Variants in TMEM220 observed in about 807,000 individuals in gnomAD.
TMEM220 encodes transmembrane protein 220.
A neutral mutation model predicts 21.7 loss-of-function variants in TMEM220; 21 were observed. That is an observed-to-expected ratio of 0.97 (90% CI 0.69 to 1.39). TMEM220 has a LOEUF of 1.39. TMEM220 is among the 40% of genes most tolerant of loss of function. TMEM220 has a pLI of 0.00. For synonymous variants in TMEM220, 80 were observed against 73.6 expected, an observed-to-expected ratio of 1.09 and a Z score of -0.45; for missense variants, 191 against 201.9, an observed-to-expected ratio of 0.95 and a Z score of 0.33.
chr17:10,726,302 T>C (rs1188081284), intron 2 of TMEM220, 38 bp from the exon 3 acceptor site: 2 of 1,490,416 alleles, frequency 1.3e-6, no homozygotes, highest in East Asian at 2.3e-5. Flanking sequence ...TGAGTTAAGA[T>C]GTATGCCCAA....
chr17:10,726,413 G>A (rs537532171), intron 2 of TMEM220, 149 bp from the exon 3 acceptor site: 3 of 674,240 alleles, frequency 4.4e-6, no homozygotes, highest in East Asian at 5.4e-5. Context: ...TTGAGAAAGT[G>A]GTAGATTCTC....
intron 2 of TMEM220, among the ~76,000 whole-genome samples, chr17:10,727,809 C>G (rs962706161): frequency 1.3e-5 from 2 of 152,084 alleles, no homozygotes; most frequent in Non-Finnish European, 2.9e-5. Context: ...GTGTACTGTA[C>G]AGTCTTGTGT....
At chr17:10,721,437 C>T (rs185066253) in intron 5 of TMEM220, among the ~76,000 whole-genome samples, 522 of 151,904 alleles carry the variant, frequency 3.4e-3, no homozygotes, top group African/African-American at 0.012. Flanking sequence ...GGTGAAACCC[C>T]GTCTCTACTA....
intron 2 of TMEM220, chr17:10,726,483 G>A: frequency 1.8e-6 from 1 of 565,120 alleles, no homozygotes; most frequent in Non-Finnish European, 3.2e-6. Flanking sequence ...TAGACTATAG[G>A]CTATTCCAGA....
chr17:10,723,869 T>G (rs1020333055), intron 4 of TMEM220, among the ~76,000 whole-genome samples: 1 of 152,186 alleles, frequency 6.6e-6, no homozygotes, highest in African/African-American at 2.4e-5. Context: ...TCTATAAATA[T>G]GTATTATATG....
chr17:10,717,776 T>G (rs564796397), intron 5 of TMEM220, among the ~76,000 whole-genome samples: 27 of 152,310 alleles, frequency 1.8e-4, no homozygotes, highest in African/African-American at 6.0e-4. Context: ...CTATGCCATC[T>G]AGGTCTAGAG....
chr17:10,725,322 T>A (rs896487775), intron 3 of TMEM220, among the ~76,000 whole-genome samples, 188 bp from the exon 4 acceptor site: 1 of 152,178 alleles, frequency 6.6e-6, no homozygotes, highest in Non-Finnish European at 1.5e-5. Flanking sequence ...TCAGTGGCCA[T>A]TTCTTGTTTG....
At position 10,715,422 on chromosome 17, in the gene TMEM220, T is replaced by C. The variant is rs192403638; in HGVS notation, c.*31A>G. 1.1e-3 allele frequency: 1,748 copies of C among 1,568,858 alleles called. No homozygotes were observed. The highest frequency in any genetic ancestry group is 1.3e-3 in the Non-Finnish European group (1,548 of 1,164,602). On this transcript the variant is annotated 3_prime_UTR_variant, in exon 6 of 6. Coordinates refer to ENST00000341871, the MANE Select transcript of TMEM220 (RefSeq NM_001004313.3). Reference sequence around the variant, plus strand: ...GTTTATAAAAAATTGATTGAAAATATTCATTTTAAAAACGAAGTTCTTGAA... The same window carrying C: ...GTTTATAAAAAATTGATTGAAAATACTCATTTTAAAAACGAAGTTCTTGAA...
chr17:10,721,637 GA>G (rs142196989), intron 5 of TMEM220, among the ~76,000 whole-genome samples: 4,107 of 112,600 alleles, frequency 0.036, 156 homozygotes, highest in African/African-American at 0.13. Flanking sequence ...AGAAAAAAAA[GA>G]AAAAAAAAAT....
chr17:10,726,151 AT>A (rs1399461277), intron 3 of TMEM220, 52 bp downstream of exon 3: 27 of 1,486,554 alleles, frequency 1.8e-5, no homozygotes, highest in Non-Finnish European at 2.5e-5. Flanking sequence ...GACCCTCATT[AT>A]TATGAGGAAA....
At position 10,729,868 on chromosome 17, in the gene TMEM220, C is replaced by G. The variant is rs745853251; in HGVS notation, c.-17G>C. 30 of 1,311,442 alleles carry G rather than the reference C, an allele frequency of 2.3e-5. No homozygotes were observed. The highest frequency in any genetic ancestry group is 1.7e-5 in the Non-Finnish European group (17 of 1,026,460). 81.2% of individuals were successfully genotyped at this position (1,311,442 alleles called of 1,614,324 possible). A position where few individuals can be genotyped will look rare whatever the true frequency, so the allele number is the denominator to read the frequency against. On this transcript the variant is annotated 5_prime_UTR_variant, in exon 1 of 6. Transcript: ENST00000341871. ...TGGCGCCATGGCTCGGAGAACACGG[C>G]GCGGGGCGGTGAGTCCTGCCACGTG...
In TMEM220 at chr17:10,714,572, C is replaced by G. The variant is rs923686597; in HGVS notation, c.*881G>C. 6.6e-6 allele frequency: 1 copy of G among 152,152 alleles called. No homozygotes were observed. Among genetic ancestry groups the G allele is most frequent in the African/African-American group, 2.4e-5 (1 of 41,410 alleles). The allele number at this position is 152,152 out of a possible 1,614,324, so 9.4% of individuals were successfully genotyped here. A position where few individuals can be genotyped will look rare whatever the true frequency, so the allele number is the denominator to read the frequency against. On this transcript the variant is annotated 3_prime_UTR_variant, in exon 6 of 6. Transcript: ENST00000341871. ...CCAAGACATGCCTGCTCATTTGATT[C>G]ATCTAGAGTTCTCCTTTAGTTCACT...
At position 10,714,457 on chromosome 17, in the gene TMEM220, C is replaced by A. The variant is rs2074884785; in HGVS notation, c.*996G>T. The A allele has an allele frequency of 6.6e-6, 1 of 151,610 alleles. No homozygotes were observed. The highest frequency in any genetic ancestry group is 2.4e-5 in the African/African-American group (1 of 41,320). The allele number at this position is 151,610 out of a possible 1,614,324, so 9.4% of individuals were successfully genotyped here. On this transcript the variant is annotated 3_prime_UTR_variant, in exon 6 of 6. Coordinates refer to ENST00000341871, the MANE Select transcript of TMEM220 (RefSeq NM_001004313.3). ...TATAAAGAATGTATATAGATTTTGA[C>A]CTTATTTCTCATTTAGAATGTAGTT...
intron 5 of TMEM220, among the ~76,000 whole-genome samples, chr17:10,718,891 A>G (rs1298614287): frequency 6.6e-6 from 1 of 152,224 alleles, no homozygotes; most frequent in African/African-American, 2.4e-5. Flanking sequence ...TGCACTTGAA[A>G]AGAATGTGTA....
chr17:10,713,132 A>C (rs1437801073), downstream of TMEM220, among the ~76,000 whole-genome samples: 2 of 151,926 alleles, frequency 1.3e-5, no homozygotes, highest in Non-Finnish European at 2.9e-5. Flanking sequence ...TTACCTGGGC[A>C]TGGTGGCAGG....
chr17:10,716,114 G>A, intron 5 of TMEM220: 2 of 849,492 alleles, frequency 2.4e-6, no homozygotes, highest in Admixed American at 3.7e-5. Context: ...TAAGACTGAA[G>A]ACCAAACACT....
chr17:10,726,357 C>G, intron 2 of TMEM220, 93 bp from the exon 3 acceptor site: 1 of 1,036,638 alleles, frequency 9.6e-7, no homozygotes, highest in South Asian at 1.3e-5. Flanking sequence ...AAGATGAGAT[C>G]AGTGGCTGCT....
intron 5 of TMEM220, among the ~76,000 whole-genome samples, chr17:10,719,590 T>C (rs563289871): frequency 1.3e-5 from 2 of 152,126 alleles, no homozygotes; most frequent in African/African-American, 4.8e-5. Flanking sequence ...TCTAAACAGA[T>C]CAAATATTTA....
At chr17:10,728,116 C>T (rs1358949003) in intron 2 of TMEM220, among the ~76,000 whole-genome samples, 7 of 151,178 alleles carry the variant, frequency 4.6e-5, no homozygotes, top group South Asian at 2.1e-4. Flanking sequence ...GCCTAGATTG[C>T]GCCATTGCAC....
Sources: allele counts gnomAD v4.1 joint callset (sites outside exome capture counted in the v4.1 genomes callset), GRCh38; gene constraint gnomAD v4.1.1; transcripts MANE v1.5; gene names NCBI Gene and HGNC (gene_info 2026-07-23, HGNC 2026-07-21).